Variants in SDK1 observed in about 807,000 individuals in gnomAD.
SDK1 encodes sidekick cell adhesion molecule 1.
In SDK1, 157 loss-of-function variants were observed where a neutral mutation model predicts 245.5. That is an observed-to-expected ratio of 0.64 (90% confidence interval 0.56 to 0.73). The LOEUF is 0.73. Ranked by LOEUF, SDK1 falls within the 30% of genes least tolerant of loss-of-function variation. SDK1 has a pLI of 0.00. For missense variants in SDK1, 3,583 were observed against 3,002.3 expected, an observed-to-expected ratio of 1.19 and a Z score of -4.52; for synonymous variants, 1,647 against 1,278.5, an observed-to-expected ratio of 1.29 and a Z score of -6.15.
intron 28 of SDK1, among the ~76,000 whole-genome samples, chr7:4,133,097 T>G (rs962314090): frequency 6.6e-6 from 1 of 152,218 alleles, no homozygotes; most frequent in Admixed American, 6.5e-5. Context: ...TTGGTTCCCA[T>G]GTTCCTGGAA....
At chr7:3,980,224 C>T (rs1380319250) in intron 13 of SDK1, among the ~76,000 whole-genome samples, 1 of 152,234 alleles carries the variant, frequency 6.6e-6, no homozygotes. Context: ...CAATTGCTTT[C>T]TTTCGAGTCT....
In SDK1 at chr7:3,348,659, C is replaced by T. The variant is rs115457382; in HGVS notation, c.298+46775C>T. On this transcript the variant is annotated intron_variant, in intron 1 of 44. Transcript: ENST00000404826. ...CCAAACCTCAGCATCATTTAGTATC[C>T]CCATGTAACCTGTGTATGTACCCCC... Among the ~76,000 whole-genome samples the T allele has an allele frequency of 7.2e-3, 1,094 of 152,170 alleles. 13 individuals carry two copies. The highest frequency in any genetic ancestry group is 0.025 in the African/African-American group (1,055 of 41,500).
rs747095586 is a variant in SDK1, at chr7:4,114,109, C to T, written c.3658C>T (p.Leu1220Phe). 1.9e-6 allele frequency: 3 copies of T among 1,614,118 alleles called. No individual in the cohort carries two copies. The African/African-American group carries it at 4.0e-5, about 22-fold the overall frequency. The change falls in exon 25 of 45, where the codon CTC becomes TTC. Residue 1220 changes from leucine (L) to phenylalanine (F), a missense_variant. Transcript: ENST00000404826. Reference protein sequence around the residue: ...GYRIKYWRSDLQSSAVAQVVS... With the variant: ...GYRIKYWRSDFQSSAVAQVVS... ...CAGGATTAAGTACTGGCGCTCAGAC[C>T]TCCAGTCCTCAGCAGTGGCCCAAGT... is the stretch of plus-strand genomic sequence containing the variant.
chr7:3,725,028 C>G (rs563016668), intron 4 of SDK1, among the ~76,000 whole-genome samples: 24 of 152,336 alleles, frequency 1.6e-4, no homozygotes, highest in Admixed American at 1.5e-3. Context: ...CTTAGACTTT[C>G]TTATTTAGCC....
At chr7:3,350,674 T>C (rs868293792) in intron 1 of SDK1, among the ~76,000 whole-genome samples, 53 of 152,206 alleles carry the variant, frequency 3.5e-4, no homozygotes, top group African/African-American at 1.1e-3. Context: ...GTGAGGTGTT[T>C]GGGAAAACCT....
At chr7:4,187,099 A>G (rs990459223) in intron 35 of SDK1, among the ~76,000 whole-genome samples, 2 of 151,876 alleles carry the variant, frequency 1.3e-5, no homozygotes, top group African/African-American at 4.8e-5. Flanking sequence ...TGGGTGTGTT[A>G]TGTCTGTGTG....
intron 5 of SDK1, among the ~76,000 whole-genome samples, chr7:3,909,746 A>G (rs576456657): frequency 6.6e-6 from 1 of 152,350 alleles, no homozygotes; most frequent in South Asian, 2.1e-4. Context: ...TTAAAGAACC[A>G]TCCGTCTCTT....
rs549830588 is a variant in SDK1, at chr7:3,360,827, G to A, written c.298+58943G>A. Among the ~76,000 whole-genome samples the A allele has an allele frequency of 4.4e-4, 67 of 152,234 alleles. 1 individual carries two copies. Among genetic ancestry groups the A allele is most frequent in the Middle Eastern group, 3.4e-3 (1 of 294 alleles). ...CTCTGTTATGTAATTGTGAGTGCTG[G>A]GAGATAGTGGGGGGAGTTATAATTT... On this transcript the variant is annotated intron_variant, in intron 1 of 44. Transcript: ENST00000404826.
At chr7:4,066,898 C>G (rs1477587102) in intron 19 of SDK1, among the ~76,000 whole-genome samples, 1 of 152,164 alleles carries the variant, frequency 6.6e-6, no homozygotes, top group East Asian at 1.9e-4. Flanking sequence ...CTGAGCTGCA[C>G]CTGCATCTTG....
At chr7:3,465,067 A>C (rs1357585882) in intron 1 of SDK1, among the ~76,000 whole-genome samples, 2 of 152,196 alleles carry the variant, frequency 1.3e-5, no homozygotes, top group Non-Finnish European at 2.9e-5. Context: ...GTCAAGAGTC[A>C]GAATTTACAT....
At chr7:3,331,770 T>A (rs1028982443) in intron 1 of SDK1, among the ~76,000 whole-genome samples, 2 of 152,186 alleles carry the variant, frequency 1.3e-5, no homozygotes, top group African/African-American at 4.8e-5. Context: ...TCTCAATCAC[T>A]TATTCCTTGA....
intron 1 of SDK1, among the ~76,000 whole-genome samples, chr7:3,511,193 A>G (rs1782568372): frequency 6.6e-6 from 1 of 152,222 alleles, no homozygotes; most frequent in Non-Finnish European, 1.5e-5. Context: ...CTGTGTTAAT[A>G]GGTGATTTAG....
intron 35 of SDK1, among the ~76,000 whole-genome samples, chr7:4,204,909 G>A (rs1353265519): frequency 7.4e-6 from 1 of 135,086 alleles, no homozygotes; most frequent in Non-Finnish European, 1.6e-5. Context: ...CAGACAGGAC[G>A]GAGGCGTTCT....
intron 38 of SDK1, among the ~76,000 whole-genome samples, chr7:4,216,935 G>A (rs529402581): frequency 2.0e-5 from 3 of 152,050 alleles, no homozygotes; most frequent in Non-Finnish European, 2.9e-5. Context: ...AACACTCCTC[G>A]AACCCCTGGG....
intron 1 of SDK1, among the ~76,000 whole-genome samples, chr7:3,600,612 C>T (rs908319526): frequency 1.0e-4 from 14 of 140,622 alleles, no homozygotes; most frequent in Non-Finnish European, 1.7e-4. Flanking sequence ...TGGAGTGCAG[C>T]GGCGCAATCT....
chr7:3,643,701 T>C (rs1409500894), intron 4 of SDK1: 2 of 146,940 alleles, frequency 1.4e-5, no homozygotes, highest in African/African-American at 5.1e-5. Flanking sequence ...ACCTCATGAT[T>C]CTCATCTCCC....
chr7:3,669,517 A>G (rs1485999376), intron 4 of SDK1, among the ~76,000 whole-genome samples: 1 of 127,654 alleles, frequency 7.8e-6, no homozygotes, highest in African/African-American at 3.4e-5. Context: ...TCTTCTTTTG[A>G]ATTCAATAAC....
chr7:3,751,200 A>G (rs1245264095), intron 4 of SDK1, among the ~76,000 whole-genome samples: 1 of 152,102 alleles, frequency 6.6e-6, no homozygotes, highest in Non-Finnish European at 1.5e-5. Flanking sequence ...CTAAAATAAA[A>G]CTGACATTTT....
intron 5 of SDK1, among the ~76,000 whole-genome samples, chr7:3,857,394 TA>T (rs1341457661): frequency 6.6e-6 from 1 of 152,138 alleles, no homozygotes; most frequent in Non-Finnish European, 1.5e-5. Flanking sequence ...GTAGAAAACC[TA>T]AGACAGGCTG....
Sources: allele counts gnomAD v4.1 joint callset (sites outside exome capture counted in the v4.1 genomes callset), GRCh38; gene constraint gnomAD v4.1.1; transcripts MANE v1.5; gene names NCBI Gene and HGNC (gene_info 2026-07-23, HGNC 2026-07-21).